The following ABCA13 variants were observed in gnomAD, a reference collection of about 807,000 sequenced individuals.
ABCA13 encodes the protein ATP-binding cassette sub-family A member 13.
Under a neutral mutation model 478.7 loss-of-function variants are expected in ABCA13, and 476 were observed. The ratio of observed to expected loss-of-function variants is 0.99; its 90% CI spans 0.92 to 1.07. The LOEUF (loss-of-function observed/expected upper bound fraction) is 1.07. Ranked by LOEUF, ABCA13 falls within the 50% of genes least tolerant of loss-of-function variation. The probability of loss-of-function intolerance (pLI) is 0.00; values close to 1 mark genes in which losing one functional copy is unlikely to be tolerated. For synonymous variants in ABCA13, 2,252 were observed against 2,158.9 expected (o/e 1.04, Z -1.20); for missense variants, 6,060 against 5,910.6 (o/e 1.03, Z -0.83).
intron 55 of ABCA13, 105 bp from the exon 56 acceptor site, chr7:48,580,119 T>A: frequency 5.7e-6 from 7 of 1,219,912 alleles, no homozygotes; most frequent in Admixed American, 2.9e-5. Context: ...CTAATTGTTT[T>A]AAATAAACTG....
intron 23 of ABCA13, among the ~76,000 whole-genome samples, chr7:48,299,981 G>A (rs1799925803): frequency 6.6e-6 from 1 of 152,154 alleles, no homozygotes; most frequent in Non-Finnish European, 1.5e-5. Flanking sequence ...GCATTCTTGC[G>A]TTTCAAATAA....
At chr7:48,183,145 A>G (rs148721431) in intron 1 of ABCA13, among the ~76,000 whole-genome samples, 5,856 of 152,278 alleles carry the variant, frequency 0.038, 202 homozygotes, top group Admixed American at 0.11. Flanking sequence ...TCAGCCAACG[A>G]GATCTTCTGG....
chr7:48,522,087 C>T (rs984628732), intron 53 of ABCA13, among the ~76,000 whole-genome samples: 1 of 152,122 alleles, frequency 6.6e-6, no homozygotes, highest in Admixed American at 6.6e-5. Flanking sequence ...ATGCCTTCTC[C>T]GTGTTTCTGT....
chr7:48,578,221 T>C (rs189419327), intron 55 of ABCA13, among the ~76,000 whole-genome samples: 1 of 152,208 alleles, frequency 6.6e-6, no homozygotes, highest in African/African-American at 2.4e-5. Flanking sequence ...TCCTACGTAA[T>C]GCAATAAGAG....
Position 48,201,949 on chromosome 7 carries a change from C to T in ABCA13, c.287+3589C>T, listed in dbSNP as rs552982800. Among the ~76,000 whole-genome samples, 2 of 152,092 alleles carry T rather than the reference C, an allele frequency of 1.3e-5. 1 individual carries two copies. Among genetic ancestry groups the T allele is most frequent in the South Asian group, 4.2e-4 (2 of 4,794 alleles). ...TGGTCTCGCTGGCTCAGGAGTGAAG[C>T]TGCAGACCTTCACGGTGAGTGTTAC... On this transcript the variant is annotated intron_variant, in intron 3 of 61. Coordinates refer to ENST00000435803, the MANE Select transcript of ABCA13 (RefSeq NM_152701.5).
chr7:48,536,517 G>T (rs1412114456), intron 55 of ABCA13, among the ~76,000 whole-genome samples: 1 of 151,952 alleles, frequency 6.6e-6, no homozygotes, highest in Non-Finnish European at 1.5e-5. Context: ...GCGTGGTGGT[G>T]TGTGCCTGTA....
At chr7:48,539,296 C>A (rs1585742784) in intron 55 of ABCA13, among the ~76,000 whole-genome samples, 1 of 150,966 alleles carries the variant, frequency 6.6e-6, no homozygotes. Context: ...AAAATAGGCA[C>A]ATAATAGCTG....
chr7:48,610,916 T>C (rs1029735185), intron 58 of ABCA13, among the ~76,000 whole-genome samples: 1 of 152,196 alleles, frequency 6.6e-6, no homozygotes, highest in Admixed American at 6.5e-5. Context: ...CCTCCTAGGC[T>C]TCCAGGCCTA....
At chr7:48,540,084 C>A (rs1347223135) in intron 55 of ABCA13, among the ~76,000 whole-genome samples, 1 of 152,046 alleles carries the variant, frequency 6.6e-6, no homozygotes, top group Non-Finnish European at 1.5e-5. Flanking sequence ...GAAAGGAAAT[C>A]CTGCTGTATG....
At chr7:48,571,513 C>T (rs578133907) in intron 55 of ABCA13, among the ~76,000 whole-genome samples, 7 of 150,774 alleles carry the variant, frequency 4.6e-5, no homozygotes, top group Admixed American at 6.6e-5. Flanking sequence ...CCTTTTGACA[C>T]TTTGTGTATG....
Position 48,412,524 on chromosome 7 carries a change from G to T in ABCA13, c.12400G>T (p.Glu4134Ter). The part of the protein sequence containing the change: ...CLKGLFQALD[E>*]NLHQLHLTGY... ...GAAAGGGCTCTTCCAGGCCCTGGAT[G>T]AGAACCTGCATCAGCTGCACCTGAC... Residue 4134 changes from glutamate to a stop codon, truncating the protein, a stop_gained, in exon 41 of 62, where the codon GAG becomes TAG. Transcript: ENST00000435803. LOFTEE classifies it high-confidence loss of function. 2 of 1,613,466 alleles carry T rather than the reference G, an allele frequency of 1.2e-6. No individual in the cohort carries two copies. The highest frequency in any genetic ancestry group is 2.2e-5 in the South Asian group (2 of 91,034).
intron 55 of ABCA13, among the ~76,000 whole-genome samples, chr7:48,549,212 C>T (rs1406648811): frequency 6.6e-6 from 1 of 151,746 alleles, no homozygotes; most frequent in African/African-American, 2.4e-5. Flanking sequence ...TTTCCCTCCC[C>T]TTGCCCTCTA....
At chr7:48,219,218 C>T in intron 3 of ABCA13, 136 bp from the exon 4 acceptor site, 1 of 781,632 alleles carries the variant, frequency 1.3e-6, no homozygotes, top group South Asian at 2.3e-5. Flanking sequence ...GTGAAATGGG[C>T]TCTCAGGGTA....
At chr7:48,522,748 G>A (rs1832639600) in intron 53 of ABCA13, among the ~76,000 whole-genome samples, 1 of 152,172 alleles carries the variant, frequency 6.6e-6, no homozygotes, top group African/African-American at 2.4e-5. Flanking sequence ...GCACACCTGG[G>A]CCCCTCCCTA....
chr7:48,422,055 C>CAAAAAAAAAAAAAA (rs4022355), intron 41 of ABCA13, among the ~76,000 whole-genome samples: 9 of 80,578 alleles, frequency 1.1e-4, no homozygotes, highest in African/African-American at 1.7e-4. Context: ...GTCTTTCTTA[C>CAAAAAAAAAAAAAA]AAAAAAAAAA....
At chr7:48,412,997 G>A (rs1204563459) in intron 41 of ABCA13, among the ~76,000 whole-genome samples, 3 of 151,626 alleles carry the variant, frequency 2.0e-5, no homozygotes, top group African/African-American at 7.3e-5. Context: ...ATTTTTAGTA[G>A]AGATGGGGTT....
At chr7:48,282,626 A>G (rs184982303) in intron 19 of ABCA13, among the ~76,000 whole-genome samples, 15 of 152,262 alleles carry the variant, frequency 9.9e-5, no homozygotes, top group Non-Finnish European at 1.8e-4. Flanking sequence ...TCTGATCCAC[A>G]TGTTCATTCT....
chr7:48,410,750 T>C, intron 40 of ABCA13, 73 bp downstream of exon 40: 1 of 1,551,086 alleles, frequency 6.4e-7, no homozygotes, highest in Non-Finnish European at 8.7e-7. Context: ...GTGGTGACAG[T>C]TACATAGTAA....
At chr7:48,617,015 CAG>C (rs1468457568) in intron 59 of ABCA13, among the ~76,000 whole-genome samples, 2 of 152,116 alleles carry the variant, frequency 1.3e-5, no homozygotes, top group Non-Finnish European at 2.9e-5. Context: ...GCCTGCGTGA[CAG>C]AGTCAGAAAA....
Sources: allele counts gnomAD v4.1 joint callset (sites outside exome capture counted in the v4.1 genomes callset), GRCh38; gene constraint gnomAD v4.1.1; transcripts MANE v1.5; gene names NCBI Gene and HGNC (gene_info 2026-07-23, HGNC 2026-07-21).